Variants in VWF observed in about 807,000 individuals in gnomAD.
VWF encodes Factor VIII related antigen.
Under a neutral mutation model 308.6 loss-of-function variants are expected in VWF, and 176 were observed. The observed-to-expected ratio is 0.57, with a 90% CI of 0.50 to 0.65. The LOEUF is 0.65. VWF is among the 30% of genes least tolerant of loss of function. The pLI is 0.00. For missense variants in VWF, 3,146 were observed against 3,648.2 expected, an observed-to-expected ratio of 0.86 and a Z score of 3.55; for synonymous variants, 1,385 against 1,443.4, an observed-to-expected ratio of 0.96 and a Z score of 0.92.
intron 38 of VWF, 138 bp from the exon 39 acceptor site, chr12:5,985,803 A>G: frequency 1.2e-6 from 1 of 805,344 alleles, no homozygotes; most frequent in Non-Finnish European, 2.1e-6. Context: ...ACAGGCAAAC[A>G]AAAGCAGGCT....
chr12:6,122,457 G>A (rs1267264583), intron 2 of VWF, among the ~76,000 whole-genome samples: 1 of 152,170 alleles, frequency 6.6e-6, no homozygotes. Context: ...GGGAAATACA[G>A]CAGTAAATCT....
intron 5 of VWF, among the ~76,000 whole-genome samples, chr12:6,100,272 G>A (rs2136506484): frequency 6.7e-6 from 1 of 149,148 alleles, no homozygotes; most frequent in East Asian, 1.9e-4. Flanking sequence ...GGAGAAATAG[G>A]AACACTTTTA....
At chr12:6,055,756 A>G (rs1349636148) in intron 15 of VWF, among the ~76,000 whole-genome samples, 2 of 120,844 alleles carry the variant, frequency 1.7e-5, no homozygotes, top group East Asian at 2.2e-4. Context: ...ATATATATAT[A>G]TGTATACACA....
intron 40 of VWF, among the ~76,000 whole-genome samples, chr12:5,984,769 T>G (rs546494377): frequency 6.6e-6 from 1 of 152,372 alleles, no homozygotes; most frequent in African/African-American, 2.4e-5. Flanking sequence ...CATGACCTTT[T>G]CTTCAGTATA....
At chr12:6,048,897 A>G (rs1944476852) in intron 16 of VWF, among the ~76,000 whole-genome samples, 1 of 152,182 alleles carries the variant, frequency 6.6e-6, no homozygotes, top group Non-Finnish European at 1.5e-5. Flanking sequence ...ACTAATACCT[A>G]GTTTTAAGGG....
At chr12:6,101,850 G>A (rs1945166015) in intron 5 of VWF, among the ~76,000 whole-genome samples, 1 of 151,656 alleles carries the variant, frequency 6.6e-6, no homozygotes, top group East Asian at 2.0e-4. Flanking sequence ...AGAAAAAAAT[G>A]ACTGAAAATG....
At chr12:5,994,751 T>A in intron 35 of VWF, 144 bp from the exon 36 acceptor site, 1 of 758,212 alleles carries the variant, frequency 1.3e-6, no homozygotes, top group Non-Finnish European at 2.3e-6. Flanking sequence ...GCAGCTCTTC[T>A]AAGATAAAGA....
intron 39 of VWF, 132 bp from the exon 40 acceptor site, chr12:5,985,251 G>A (rs769030746): frequency 3.1e-5 from 29 of 934,178 alleles, no homozygotes; most frequent in East Asian, 7.7e-5. Flanking sequence ...TCCAGGCCAC[G>A]GGACCTCTGA....
chr12:5,968,047 A>G (rs368546225), intron 46 of VWF, 80 bp downstream of exon 46: 10 of 1,591,426 alleles, frequency 6.3e-6, no homozygotes, highest in Non-Finnish European at 7.7e-6. Flanking sequence ...CTGCTTTACA[A>G]TGACTTGCCT....
chr12:5,990,890 A>T lies in VWF; in HGVS notation c.6798+929T>A, dbSNP rs1280904378. 4.4e-5 allele frequency among the ~76,000 whole-genome samples: 6 copies of T among 136,888 alleles called. No individual in the cohort carries two copies. In the South Asian group the frequency reaches 7.7e-4, roughly 18 times the overall value. 89.8% of individuals were successfully genotyped at this position (136,888 alleles called of 152,430 possible). A position where few individuals can be genotyped will look rare whatever the true frequency, so the allele number is the denominator to read the frequency against. On this transcript the variant is annotated intron_variant, in intron 38 of 51. Coordinates refer to ENST00000261405, the MANE Select transcript of VWF (RefSeq NM_000552.5). ...AGCTAAAAAAAAAAAAAAAAAAAAA[A>T]AAAAAAAAAAAAAAAAAATTTTGAT...
At chr12:6,122,439 G>A (rs1013238720) in intron 2 of VWF, among the ~76,000 whole-genome samples, 1 of 152,126 alleles carries the variant, frequency 6.6e-6, no homozygotes, top group Non-Finnish European at 1.5e-5. Context: ...TGTGTGTGTC[G>A]GCAGGTGGGG....
chr12:6,007,713 A>G (rs560276538), intron 34 of VWF, among the ~76,000 whole-genome samples: 2 of 152,278 alleles, frequency 1.3e-5, no homozygotes, highest in Admixed American at 1.3e-4. Context: ...TAAAGATTTG[A>G]GGAAAAATAA....
intron 17 of VWF, among the ~76,000 whole-genome samples, chr12:6,045,017 T>C (rs1944433831): frequency 6.6e-6 from 1 of 152,208 alleles, no homozygotes; most frequent in Non-Finnish European, 1.5e-5. Flanking sequence ...TGATATCCTA[T>C]ATATGTTCTT....
intron 47 of VWF, among the ~76,000 whole-genome samples, chr12:5,954,670 C>T (rs1418028786): frequency 1.3e-5 from 2 of 152,196 alleles, no homozygotes; most frequent in Non-Finnish European, 2.9e-5. Flanking sequence ...ATAAACTCCT[C>T]TGAACTCTTT....
At chr12:5,961,709 A>C (rs1943319180) in intron 47 of VWF, among the ~76,000 whole-genome samples, 1 of 152,086 alleles carries the variant, frequency 6.6e-6, no homozygotes, top group Non-Finnish European at 1.5e-5. Flanking sequence ...ATAAAATTTA[A>C]AAAAAACTTC....
Position 6,109,930 on chromosome 12 carries a change from G to T in VWF, c.532+444C>A, listed in dbSNP as rs113952039. ...CTCCCAAAATGCTGGGATTACAGGG[G>T]TAAGCCACTGCGCCCAGCCTAGTGT... On this transcript the variant is annotated intron_variant, in intron 5 of 51. Transcript: ENST00000261405. 6.2e-3 allele frequency among the ~76,000 whole-genome samples: 941 copies of T among 152,328 alleles called. 13 individuals carry two copies. Among genetic ancestry groups the T allele is most frequent in the African/African-American group, 0.022 (900 of 41,570 alleles).
chr12:6,006,174 G>A (rs1453719087), intron 34 of VWF, among the ~76,000 whole-genome samples: 1 of 152,136 alleles, frequency 6.6e-6, no homozygotes, highest in Non-Finnish European at 1.5e-5. Flanking sequence ...GTTGTTATAA[G>A]CTTAGAATAG....
chr12:6,019,495 C>T lies in VWF; in HGVS notation c.3923G>A (p.Arg1308His), dbSNP rs61749388. Residue 1308 changes from arginine to histidine, a missense_variant, in exon 28 of 52, where the codon CGC becomes CAC. By Grantham distance (29) the Arg-to-His change is conservative. This residue lies in a region of VWF where 853 missense variants were observed against 1,177.8 expected (regional missense o/e 0.72). Transcript: ENST00000261405. This position sits in a 1 kb window ranked among gnomAD's most constrained non-coding sequence, Gnocchi z 5.8. Reference protein sequence around the residue: ...AFVVDMMERLRISQKWVRVAV... With the variant: ...AFVVDMMERLHISQKWVRVAV... Reference sequence around the variant, plus strand: ...CACGCGGACCCACTTCTGGGAGATGCGCAGCCGCTCCATCATGTCCACCAC... The same window carrying T: ...CACGCGGACCCACTTCTGGGAGATGTGCAGCCGCTCCATCATGTCCACCAC... 27 of 1,613,944 alleles carry T rather than the reference C, an allele frequency of 1.7e-5. No individual in the cohort carries two copies. The East Asian group carries it at 2.5e-4, about 15-fold the overall frequency.
At chr12:6,079,427 A>G (rs1944880359) in intron 6 of VWF, among the ~76,000 whole-genome samples, 1 of 151,668 alleles carries the variant, frequency 6.6e-6, no homozygotes, top group Non-Finnish European at 1.5e-5. Flanking sequence ...TAACACGGTG[A>G]AACCCCATCT....
Sources: allele counts gnomAD v4.1 joint callset (sites outside exome capture counted in the v4.1 genomes callset), GRCh38; gene constraint gnomAD v4.1.1; regional missense constraint gnomAD v4.1.1; non-coding constraint Gnocchi (gnomAD v3.1); transcripts MANE v1.5; gene names NCBI Gene and HGNC (gene_info 2026-07-23, HGNC 2026-07-21).